The following TET1 variants were observed in gnomAD, a reference collection of about 807,000 sequenced individuals.
The protein encoded by TET1 is methylcytosine dioxygenase TET1.
A neutral mutation model predicts 148.7 loss-of-function variants in TET1; 13 were observed. The ratio of observed to expected loss-of-function variants is 0.09; its 90% CI spans 0.06 to 0.14. The LOEUF (loss-of-function observed/expected upper bound fraction) is 0.14, where lower values mean the gene tolerates loss of function less well. Among genes scored for constraint, TET1 ranks in the 10% least tolerant of loss-of-function variants. TET1 has a pLI of 1.00. For missense variants in TET1, 2,182 were observed against 2,553.8 expected (o/e 0.85, Z 3.14); for synonymous variants, 907 against 937.2 (o/e 0.97, Z 0.59).
chr10:68,593,623 T>C (rs1194845603), intron 2 of TET1, among the ~76,000 whole-genome samples: 3 of 150,636 alleles, frequency 2.0e-5, no homozygotes, highest in Non-Finnish European at 4.4e-5. Flanking sequence ...TTATTATTAT[T>C]ATTTTCAGAC....
chr10:68,675,532 G>T (rs1405063702), intron 8 of TET1, among the ~76,000 whole-genome samples: 1 of 151,200 alleles, frequency 6.6e-6, no homozygotes, highest in African/African-American at 2.4e-5. Context: ...CGATTTTGAA[G>T]ATGAAGGCCA....
At chr10:68,604,523 GT>G (rs1186930168) in intron 3 of TET1, among the ~76,000 whole-genome samples, 1 of 152,172 alleles carries the variant, frequency 6.6e-6, no homozygotes, top group African/African-American at 2.4e-5. Context: ...GGAGCCTTTG[GT>G]AAAGAGATGC....
intron 8 of TET1, chr10:68,675,220 T>A (rs1191438016): frequency 8.4e-6 from 2 of 238,874 alleles, no homozygotes; most frequent in Non-Finnish European, 8.0e-6. Context: ...ATGCATATTA[T>A]GAATAAACTA....
chr10:68,633,819 A>G (rs976568581), intron 3 of TET1, among the ~76,000 whole-genome samples: 1 of 152,192 alleles, frequency 6.6e-6, no homozygotes, highest in African/African-American at 2.4e-5. Flanking sequence ...AAAGGTAAAA[A>G]TATAGAACAT....
intron 3 of TET1, among the ~76,000 whole-genome samples, chr10:68,614,712 GTCT>G (rs2054263840): frequency 6.6e-6 from 1 of 152,100 alleles, no homozygotes; most frequent in Admixed American, 6.6e-5. Flanking sequence ...TCGTGCCTGA[GTCT>G]CTTGAGTAGC....
At chr10:68,634,258 G>A (rs1366149758) in intron 3 of TET1, among the ~76,000 whole-genome samples, 1 of 152,154 alleles carries the variant, frequency 6.6e-6, no homozygotes, top group East Asian at 1.9e-4. Flanking sequence ...AACTCAGTGT[G>A]TACTGTAAAT....
At chr10:68,627,006 C>A (rs2054493058) in intron 3 of TET1, among the ~76,000 whole-genome samples, 1 of 152,216 alleles carries the variant, frequency 6.6e-6, no homozygotes, top group Admixed American at 6.5e-5. Context: ...GGCGTATTGG[C>A]TCATGCCTGT....
intron 11 of TET1, among the ~76,000 whole-genome samples, chr10:68,687,246 A>T (rs569680124): frequency 6.7e-6 from 1 of 149,058 alleles, no homozygotes; most frequent in Non-Finnish European, 1.5e-5. Flanking sequence ...TTTTTATGGC[A>T]TGGGGAGGGG....
chr10:68,669,371 C>T (rs1480182253), intron 7 of TET1, among the ~76,000 whole-genome samples: 1 of 151,024 alleles, frequency 6.6e-6, no homozygotes, highest in African/African-American at 2.4e-5. Flanking sequence ...GTTGCGGTGG[C>T]GTGACCTCAG....
intron 1 of TET1, among the ~76,000 whole-genome samples, chr10:68,569,170 T>TC (rs2053639501): frequency 7.5e-6 from 1 of 133,598 alleles, no homozygotes; most frequent in Non-Finnish European, 1.6e-5. Flanking sequence ...GAGTTTCTTT[T>TC]TTTTTTTTTT....
Position 68,686,544 on chromosome 10 carries a change from C to T in TET1, c.5241C>T (p.Phe1747=). 2.5e-6 allele frequency: 4 copies of T among 1,614,162 alleles called. No individual in the cohort carries two copies. The highest frequency in any genetic ancestry group is 3.4e-6 in the Non-Finnish European group (4 of 1,180,036). Residue 1747 remains phenylalanine (F), a synonymous_variant, in exon 11 of 12, where the codon TTC becomes TTT. Coordinates refer to ENST00000373644, the MANE Select transcript of TET1 (RefSeq NM_030625.3). Reference sequence around the variant, plus strand: ...CCCGCCGCAAAAAAAGAACGTGTTTCACTCAGCCTGTTCCCCGTTCTGGAA... The same window carrying T: ...CCCGCCGCAAAAAAAGAACGTGTTTTACTCAGCCTGTTCCCCGTTCTGGAA... ...LAPRRKKRTC[F]TQPVPRSGKK...
intron 3 of TET1, among the ~76,000 whole-genome samples, chr10:68,641,326 AGG>A (rs1789971084): frequency 6.8e-6 from 1 of 147,174 alleles, no homozygotes; most frequent in Non-Finnish European, 1.5e-5. Flanking sequence ...CCTGAGAGGC[AGG>A]GTGTCACTTT....
At chr10:68,657,536 G>A (rs888546209) in intron 6 of TET1, among the ~76,000 whole-genome samples, 3 of 152,150 alleles carry the variant, frequency 2.0e-5, no homozygotes, top group Non-Finnish European at 4.4e-5. Context: ...CTACTCTGGA[G>A]GCTGGACGAT....
Position 68,611,024 on chromosome 10 carries a change from G to A in TET1, c.1968+9990G>A, listed in dbSNP as rs6480346. On this transcript the variant is annotated intron_variant, in intron 3 of 11. Coordinates refer to ENST00000373644, the MANE Select transcript of TET1 (RefSeq NM_030625.3). ...TATGAAGTGAACTAGGCTGGGCGCA[G>A]TGGCTCATGCCTGTAATCCCAGCAC... is the stretch of plus-strand genomic sequence containing the variant. Among the ~76,000 whole-genome samples the A allele has an allele frequency of 3.9e-3, 594 of 152,278 alleles. 4 individuals carry two copies. The highest frequency in any genetic ancestry group is 0.013 in the African/African-American group (561 of 41,568).
At chr10:68,603,459 C>A (rs924089578) in intron 3 of TET1, among the ~76,000 whole-genome samples, 1 of 152,046 alleles carries the variant, frequency 6.6e-6, no homozygotes, top group Non-Finnish European at 1.5e-5. Context: ...TGTCTTATAT[C>A]CCTCTCCTCT....
rs1186060538 is a variant in TET1 at position 68,644,712 on chromosome 10, C to T, written c.1983C>T (p.Asn661=). ...GTATTTTACAGGCAGATTTTGACAA[C>T]AAACCAGTAAATGGCCCCAAGTCAG... ...KPKVLKADFD[N]KPVNGPKSES... is the part of the protein sequence containing the mutation. The change falls in exon 4 of 12, where the codon AAC becomes AAT. Residue 661 remains asparagine, a synonymous_variant. Coordinates refer to ENST00000373644, the MANE Select transcript of TET1 (RefSeq NM_030625.3). The T allele has an allele frequency of 6.4e-7, 1 of 1,563,914 alleles. No homozygotes were observed. The highest frequency in any genetic ancestry group is 1.4e-5 in the African/African-American group (1 of 72,560).
At chr10:68,568,330 C>T (rs1168533038) in intron 1 of TET1, among the ~76,000 whole-genome samples, 2 of 149,186 alleles carry the variant, frequency 1.3e-5, no homozygotes, top group Non-Finnish European at 3.0e-5. Flanking sequence ...TCAAGCGATT[C>T]TCATGCCTCA....
At chr10:68,654,689 A>G (rs2054996836) in intron 6 of TET1, among the ~76,000 whole-genome samples, 1 of 152,202 alleles carries the variant, frequency 6.6e-6, no homozygotes, top group Non-Finnish European at 1.5e-5. Flanking sequence ...AAGGTGAATG[A>G]TTTTGTAGGC....
intron 10 of TET1, among the ~76,000 whole-genome samples, chr10:68,683,635 A>C (rs779374696): frequency 1.3e-5 from 2 of 152,030 alleles, no homozygotes; most frequent in African/African-American, 2.4e-5. Flanking sequence ...GATGGTCTTG[A>C]TCTCATGACC....
Sources: allele counts gnomAD v4.1 joint callset (sites outside exome capture counted in the v4.1 genomes callset), GRCh38; gene constraint gnomAD v4.1.1; transcripts MANE v1.5; gene names NCBI Gene and HGNC (gene_info 2026-07-23, HGNC 2026-07-21).